Variants in TMEM97 observed in about 807,000 individuals in gnomAD.
TMEM97 encodes the protein transmembrane protein 97.
In TMEM97, 13 loss-of-function variants were observed where a neutral mutation model predicts 18.3. The observed-to-expected ratio is 0.71, with a 90% CI of 0.46 to 1.13. The LOEUF (loss-of-function observed/expected upper bound fraction) is 1.13. TMEM97 is among the 50% of genes most tolerant of loss of function. TMEM97 has a pLI of 0.00. For synonymous variants in TMEM97, 76 were observed against 85.3 expected (o/e 0.89, Z 0.60); for missense variants, 205 against 210.5 (o/e 0.97, Z 0.16).
Position 28,328,634 on chromosome 17 carries a change from A to G in TMEM97, c.*1841A>G. ...TTTTTTTGTTTTGCCTTCCTACTAT[A>G]AAAGCGAAATTTTCAGTTCATTTCT... On this transcript the variant is annotated 3_prime_UTR_variant, in exon 3 of 3. Coordinates refer to ENST00000226230, the MANE Select transcript of TMEM97 (RefSeq NM_014573.3). 4 of 1,568,818 alleles carry G rather than the reference A, an allele frequency of 2.5e-6. No individual in the cohort carries two copies. Among genetic ancestry groups the G allele is most frequent in the African/African-American group, 1.4e-5 (1 of 73,118 alleles).
rs1567778197 is a variant in TMEM97 at position 28,328,190 on chromosome 17, C to G, written c.*1397C>G. 1 of 160,718 alleles carries G rather than the reference C, an allele frequency of 6.2e-6. No individual in the cohort carries two copies. The highest frequency in any genetic ancestry group is 2.4e-5 in the African/African-American group (1 of 41,480). 10.0% of individuals were successfully genotyped at this position (160,718 alleles called of 1,614,324 possible). On this transcript the variant is annotated 3_prime_UTR_variant, in exon 3 of 3. Transcript: ENST00000226230. ...GCCCGATTAGTGGTACTGTCTGACT[C>G]ACGTGTGTGATCCAAATAAAGGTAG...
rs782032935 is a variant in TMEM97, at chr17:28,327,034, C to T, written c.*241C>T. ...GGAGTAAAGGGCAGTGGCATGATCT[C>T]GGCTCACTGCAACCTCCGCCTCCTG... is the stretch of plus-strand genomic sequence containing the variant. On this transcript the variant is annotated 3_prime_UTR_variant, in exon 3 of 3. Transcript: ENST00000226230. The T allele has an allele frequency of 1.3e-4, 64 of 479,706 alleles. No individual in the cohort carries two copies. The highest frequency in any genetic ancestry group is 3.1e-4 in the Admixed American group (9 of 29,180). 29.7% of individuals were successfully genotyped at this position (479,706 alleles called of 1,614,324 possible). A position where few individuals can be genotyped will look rare whatever the true frequency, so the allele number is the denominator to read the frequency against.
chr17:28,325,413 C>T (rs1906290884), intron 1 of TMEM97, 90 bp from the exon 2 acceptor site: 2 of 1,512,740 alleles, frequency 1.3e-6, no homozygotes, highest in African/African-American at 1.4e-5. Flanking sequence ...TAATTAATGA[C>T]AGGCTCCTCC....
At chr17:28,321,880 GTGTGTGTGTATC>G (rs1906161612) in intron 1 of TMEM97, among the ~76,000 whole-genome samples, 1 of 151,684 alleles carries the variant, frequency 6.6e-6, no homozygotes, top group Non-Finnish European at 1.5e-5. Context: ...GGCATCCTGG[GTGTGTGTGTATC>G]TGTGTGTGTG....
At position 28,328,038 on chromosome 17, in the gene TMEM97, C is replaced by A. The variant is rs79867449; in HGVS notation, c.*1245C>A. ...ACTGTGTGCATAGAGGGTCTCTTCA[C>A]GTTGATGCTTGGCATTCCATCAGCT... On this transcript the variant is annotated 3_prime_UTR_variant, in exon 3 of 3. Transcript: ENST00000226230. The A allele has an allele frequency of 9.2e-3, 1,413 of 153,080 alleles. 25 individuals carry two copies. Among genetic ancestry groups the A allele is most frequent in the Non-Finnish European group, 8.9e-3 (608 of 68,308 alleles). 9.5% of individuals were successfully genotyped at this position (153,080 alleles called of 1,614,324 possible). A position where few individuals can be genotyped will look rare whatever the true frequency, so the allele number is the denominator to read the frequency against.
At chr17:28,320,043 C>T (rs1443309848) in intron 1 of TMEM97, among the ~76,000 whole-genome samples, 2 of 152,034 alleles carry the variant, frequency 1.3e-5, no homozygotes, top group Admixed American at 1.3e-4. Context: ...TTGTTTTTTT[C>T]TTCAAAGCTA....
chr17:28,328,582 C>T lies in TMEM97; in HGVS notation c.*1789C>T, dbSNP rs1405544385. On this transcript the variant is annotated 3_prime_UTR_variant, in exon 3 of 3. Coordinates refer to ENST00000226230, the MANE Select transcript of TMEM97 (RefSeq NM_014573.3). ...CATTGGTCAAGCCGCTGGAATGCTACAGAGGTTTTTTTGGTTTTGAGAGGC... is the reference window on the plus strand; with the variant it reads ...CATTGGTCAAGCCGCTGGAATGCTATAGAGGTTTTTTTGGTTTTGAGAGGC... 23 of 946,920 alleles carry T rather than the reference C, an allele frequency of 2.4e-5. No homozygotes were observed. Among genetic ancestry groups the T allele is most frequent in the African/African-American group, 3.3e-5 (2 of 60,372 alleles). The allele number at this position is 946,920 out of a possible 1,614,324, so 58.7% of individuals were successfully genotyped here.
chr17:28,319,933 T>A (rs899826737), intron 1 of TMEM97, among the ~76,000 whole-genome samples: 1 of 152,202 alleles, frequency 6.6e-6, no homozygotes, highest in African/African-American at 2.4e-5. Flanking sequence ...CAATATTGGG[T>A]TCGAGTAACA....
At chr17:28,323,275 G>A (rs1463263970) in intron 1 of TMEM97, among the ~76,000 whole-genome samples, 1 of 152,066 alleles carries the variant, frequency 6.6e-6, no homozygotes, top group Non-Finnish European at 1.5e-5. Flanking sequence ...TACGACATCT[G>A]GGTGATTGTT....
chr17:28,325,120 T>TGACAGA (rs1906281710), intron 1 of TMEM97, among the ~76,000 whole-genome samples: 1 of 152,192 alleles, frequency 6.6e-6, no homozygotes, highest in Non-Finnish European at 1.5e-5. Flanking sequence ...ATGATATTGT[T>TGACAGA]GACAGAAATG....
chr17:28,326,814 GGGTAGAGATGCCTAC>G lies in TMEM97; in HGVS notation c.*22_*36del. The G allele has an allele frequency of 6.2e-7, 1 of 1,603,312 alleles. No individual in the cohort carries two copies. The highest frequency in any genetic ancestry group is 8.5e-7 in the Non-Finnish European group (1 of 1,178,314). ...AATGAAGGAAACAACCACTGGCCCA[GGGTAGAGATGCCTAC>G]AGGGTGGTTGCTTGTTGGATACAAT... On this transcript the variant is annotated 3_prime_UTR_variant, in exon 3 of 3. Coordinates refer to ENST00000226230, the MANE Select transcript of TMEM97 (RefSeq NM_014573.3).
chr17:28,326,589 A>C lies in TMEM97; in HGVS notation c.327A>C (p.Thr109=), dbSNP rs1253380205. ...PAIIYSVHTM[T]TLIPILSTFL... Reference sequence around the variant, plus strand: ...TCATCTACTCTGTTCACACCATGACAACCTTAATTCCGATACTCTCCACAT... The same window carrying C: ...TCATCTACTCTGTTCACACCATGACCACCTTAATTCCGATACTCTCCACAT... The change falls in exon 3 of 3, where the codon ACA becomes ACC. Residue 109 remains threonine (T), a synonymous_variant. Coordinates refer to ENST00000226230, the MANE Select transcript of TMEM97 (RefSeq NM_014573.3). 1.2e-6 allele frequency: 2 copies of C among 1,614,026 alleles called. No individual in the cohort carries two copies. The highest frequency in any genetic ancestry group is 1.7e-6 in the Non-Finnish European group (2 of 1,180,028).
Position 28,325,617 on chromosome 17 carries a change from T to C in TMEM97, c.241T>C (p.Phe81Leu). 1 of 1,614,262 alleles carries C rather than the reference T, an allele frequency of 6.2e-7. No individual in the cohort carries two copies. Among genetic ancestry groups the C allele is most frequent in the East Asian group, 2.2e-5 (1 of 44,890 alleles). Reference sequence around the variant, plus strand: ...CGAGCTTGTGTTTCAGCTGCCTTTCTTTCCCATTGCAACGTATGCCTTCCT... The same window carrying C: ...CGAGCTTGTGTTTCAGCTGCCTTTCCTTCCCATTGCAACGTATGCCTTCCT... ...FCELVFQLPF[F>L]PIATYAFLKG... Residue 81 changes from phenylalanine (F) to leucine (L), a missense_variant, in exon 2 of 3, where the codon TTT (phenylalanine) becomes CTT (leucine). By Grantham distance (22) the Phe-to-Leu change is conservative (BLOSUM62 0). Coordinates refer to ENST00000226230, the MANE Select transcript of TMEM97 (RefSeq NM_014573.3).
chr17:28,326,748 G>T lies in TMEM97; in HGVS notation c.486G>T (p.Leu162Phe), dbSNP rs1555575539. The T allele has an allele frequency of 6.2e-7, 1 of 1,613,782 alleles. No homozygotes were observed. The highest frequency in any genetic ancestry group is 2.2e-5 in the East Asian group (1 of 44,864). Residue 162 changes from leucine (L) to phenylalanine (F), a missense_variant, in exon 3 of 3, where the codon TTG (leucine) becomes TTT (phenylalanine). Transcript: ENST00000226230. ...CATTCATACTTTTAATTTTCATGTT[G>T]CGGAGCCCCTACTACAAGTATGAAG... Reference protein sequence around the residue: ...LIPFILLIFMLRSPYYKYEEK... With the variant: ...LIPFILLIFMFRSPYYKYEEK...
At chr17:28,319,505 C>G in intron 1 of TMEM97, 140 bp downstream of exon 1, 5 of 1,073,874 alleles carry the variant, frequency 4.7e-6, no homozygotes, top group Non-Finnish European at 6.3e-6. Flanking sequence ...CCGCTCCTAA[C>G]CCAACTTTAG....
chr17:28,319,513 T>C, intron 1 of TMEM97, 148 bp downstream of exon 1: 1 of 968,342 alleles, frequency 1.0e-6, no homozygotes, highest in Non-Finnish European at 1.4e-6. Context: ...AACCCAACTT[T>C]AGTTCGGTGT....
At chr17:28,321,985 G>T (rs1242760448) in intron 1 of TMEM97, among the ~76,000 whole-genome samples, 1 of 152,144 alleles carries the variant, frequency 6.6e-6, no homozygotes, top group Non-Finnish European at 1.5e-5. Flanking sequence ...TGTAGGAAAT[G>T]CTGATTTTGT....
chr17:28,326,345 C>T (rs917975475), intron 2 of TMEM97, among the ~76,000 whole-genome samples, 189 bp from the exon 3 acceptor site: 2 of 152,130 alleles, frequency 1.3e-5, no homozygotes, highest in African/African-American at 2.4e-5. Flanking sequence ...GGTTCTTTGG[C>T]GAGCTGTCGG....
chr17:28,327,755 C>G lies in TMEM97; in HGVS notation c.*962C>G, dbSNP rs1385251771. The G allele has an allele frequency of 2.0e-5, 3 of 152,208 alleles. No homozygotes were observed. The highest frequency in any genetic ancestry group is 7.2e-5 in the African/African-American group (3 of 41,462). 9.4% of individuals were successfully genotyped at this position (152,208 alleles called of 1,614,324 possible). On this transcript the variant is annotated 3_prime_UTR_variant, in exon 3 of 3. Transcript: ENST00000226230. ...ATTAAACTGGAAAATGTTTTTGTTT[C>G]TGTTGTAAACAGATCATCCTAGGCG...
Sources: gnomAD v4.1 joint callset for allele counts (sites outside exome capture counted in the v4.1 genomes callset) on GRCh38, gnomAD v4.1.1 for gene constraint, MANE v1.5 for transcripts, NCBI Gene and HGNC (gene_info 2026-07-23, HGNC 2026-07-21) for gene names.